Variants in CSMD1 observed in about 807,000 individuals in gnomAD.
CSMD1 encodes the protein CUB and sushi domain-containing protein 1.
Under a neutral mutation model 417.5 loss-of-function variants are expected in CSMD1, and 213 were observed. That is an observed-to-expected ratio of 0.51 (90% CI 0.46 to 0.57). The LOEUF is 0.57. CSMD1 is among the 20% of genes least tolerant of loss of function. The pLI is 0.00. For missense variants in CSMD1, 6,923 were observed against 4,529.7 expected (o/e 1.53, Z -15.17); for synonymous variants, 2,862 against 1,736.8 (o/e 1.65, Z -16.11).
intron 1 of CSMD1, among the ~76,000 whole-genome samples, chr8:4,944,070 T>C (rs912212143): frequency 4.6e-5 from 7 of 152,146 alleles, no homozygotes; most frequent in Non-Finnish European, 1.0e-4. Flanking sequence ...AGATGTTTGA[T>C]AGACAGGAGG....
intron 3 of CSMD1, among the ~76,000 whole-genome samples, chr8:4,353,598 T>C (rs1277484861): frequency 6.6e-6 from 1 of 151,876 alleles, no homozygotes; most frequent in Non-Finnish European, 1.5e-5. Flanking sequence ...CTGAAGCACA[T>C]GCATAAGGCA....
At chr8:3,188,469 G>T (rs1206924074) in intron 35 of CSMD1, among the ~76,000 whole-genome samples, 1 of 151,336 alleles carries the variant, frequency 6.6e-6, no homozygotes, top group African/African-American at 2.4e-5. Flanking sequence ...ACCATGCCTG[G>T]CTAGTTTTTA....
chr8:3,439,459 A>C (rs1303574481), intron 12 of CSMD1, among the ~76,000 whole-genome samples: 1 of 148,880 alleles, frequency 6.7e-6, no homozygotes, highest in Non-Finnish European at 1.5e-5. Context: ...AGGTCTTCTG[A>C]ACATATCCTA....
intron 2 of CSMD1, among the ~76,000 whole-genome samples, chr8:4,565,740 AAATATATACATATATAT>A (rs1798566847): frequency 8.5e-6 from 1 of 117,408 alleles, no homozygotes; most frequent in African/African-American, 3.4e-5. Context: ...ACCTTAAAAA[AAATATATACATATATAT>A]ATATATATAT....
intron 3 of CSMD1, among the ~76,000 whole-genome samples, chr8:4,287,145 G>T (rs1283993753): frequency 1.3e-5 from 2 of 152,158 alleles, no homozygotes; most frequent in African/African-American, 4.8e-5. Flanking sequence ...TGTTAATGTG[G>T]AACTATGTGG....
intron 1 of CSMD1, among the ~76,000 whole-genome samples, chr8:4,792,155 C>A (rs1425481151): frequency 6.6e-6 from 1 of 152,102 alleles, no homozygotes; most frequent in Non-Finnish European, 1.5e-5. Flanking sequence ...TTCCTTCCTC[C>A]TTCCTATCTT....
At position 3,826,483 on chromosome 8, in the gene CSMD1, C is replaced by A. The variant is rs949397257; in HGVS notation, c.819-72441G>T. Among the ~76,000 whole-genome samples the A allele has an allele frequency of 7.9e-5, 12 of 152,118 alleles. 1 individual carries two copies. The highest frequency in any genetic ancestry group is 7.9e-4 in the Admixed American group (12 of 15,262). ...CAGCAGCACCTTTACATCTCCTAGG[C>A]AGGGGGACCATGAAAGCTCTTCTAG... On this transcript the variant is annotated intron_variant, in intron 5 of 69. Coordinates refer to ENST00000635120, the MANE Select transcript of CSMD1 (RefSeq NM_033225.6).
At chr8:3,654,395 A>G (rs1384356571) in intron 7 of CSMD1, among the ~76,000 whole-genome samples, 1 of 152,196 alleles carries the variant, frequency 6.6e-6, no homozygotes, top group Non-Finnish European at 1.5e-5. Flanking sequence ...AATAGCAGAG[A>G]TGTAAAGTAC....
Position 3,665,377 on chromosome 8 carries a change from A to T in CSMD1, c.1009+43037T>A, listed in dbSNP as rs568844692. ...ACACCCCATCTCTACTAAAATACAA[A>T]AATTAGCCAGGTGTGGTGGCATGCA... On this transcript the variant is annotated intron_variant, in intron 7 of 69. Transcript: ENST00000635120. Among the ~76,000 whole-genome samples the T allele has an allele frequency of 4.7e-4, 71 of 152,152 alleles. 1 individual carries two copies. The highest frequency in any genetic ancestry group is 1.7e-3 in the African/African-American group (69 of 41,514).
chr8:4,945,602 G>C (rs1016438777), intron 1 of CSMD1, among the ~76,000 whole-genome samples: 3 of 151,956 alleles, frequency 2.0e-5, no homozygotes, highest in African/African-American at 7.3e-5. Flanking sequence ...CTCTGGATAA[G>C]AAATTCTAAG....
At chr8:3,871,847 G>A (rs1192216428) in intron 5 of CSMD1, among the ~76,000 whole-genome samples, 1 of 152,164 alleles carries the variant, frequency 6.6e-6, no homozygotes, top group Non-Finnish European at 1.5e-5. Flanking sequence ...ATTAGCTTGT[G>A]AGCCAAGAAC....
At chr8:3,595,375 T>C (rs572871376) in intron 8 of CSMD1, among the ~76,000 whole-genome samples, 4 of 152,344 alleles carry the variant, frequency 2.6e-5, no homozygotes, top group Admixed American at 2.6e-4. Flanking sequence ...CTTTCACACA[T>C]AATGTGTCTT....
chr8:3,794,814 T>G (rs942802750), intron 5 of CSMD1, among the ~76,000 whole-genome samples: 5 of 151,956 alleles, frequency 3.3e-5, no homozygotes, highest in East Asian at 1.9e-4. Flanking sequence ...TCAATAAACT[T>G]TAATTCTGAA....
intron 5 of CSMD1, among the ~76,000 whole-genome samples, chr8:3,918,356 C>T (rs1217586807): frequency 1.3e-5 from 2 of 152,028 alleles, no homozygotes; most frequent in Non-Finnish European, 1.5e-5. Flanking sequence ...ACGTCCGCAT[C>T]AACACATATA....
chr8:4,680,436 GAC>G (rs756758107), intron 1 of CSMD1, among the ~76,000 whole-genome samples: 17 of 152,140 alleles, frequency 1.1e-4, no homozygotes, highest in Non-Finnish European at 2.1e-4. Flanking sequence ...TACATTGAGT[GAC>G]GTACCATGTT....
At chr8:4,770,422 T>C (rs997813932) in intron 1 of CSMD1, among the ~76,000 whole-genome samples, 4 of 150,162 alleles carry the variant, frequency 2.7e-5, no homozygotes, top group Admixed American at 2.7e-4. Flanking sequence ...CTAATTCTTA[T>C]CAAAATCCCA....
At chr8:3,887,078 C>T (rs866746852) in intron 5 of CSMD1, among the ~76,000 whole-genome samples, 2 of 152,186 alleles carry the variant, frequency 1.3e-5, no homozygotes, top group Admixed American at 1.3e-4. Context: ...GACACAATCC[C>T]ACTCTAGCTG....
intron 5 of CSMD1, among the ~76,000 whole-genome samples, chr8:3,956,438 G>A (rs572846237): frequency 2.6e-5 from 4 of 152,256 alleles, no homozygotes; most frequent in African/African-American, 9.6e-5. Context: ...CCACTATGCT[G>A]TTGCCTTGTG....
At chr8:3,105,806 G>A (rs1309698267) in intron 46 of CSMD1, among the ~76,000 whole-genome samples, 1 of 152,206 alleles carries the variant, frequency 6.6e-6, no homozygotes, top group East Asian at 1.9e-4. Context: ...ATATAGCGTA[G>A]CTTAATAAAT....
Sources: gnomAD v4.1 joint callset for allele counts (sites outside exome capture counted in the v4.1 genomes callset) on GRCh38, gnomAD v4.1.1 for gene constraint, MANE v1.5 for transcripts, NCBI Gene and HGNC (gene_info 2026-07-23, HGNC 2026-07-21) for gene names.